The following CCSER1 variants were observed in gnomAD, a reference collection of about 807,000 sequenced individuals.
CCSER1 encodes the protein serine-rich coiled-coil domain-containing protein 1.
CCSER1 carries 41 observed loss-of-function variants against 82.0 expected under a neutral mutation model. The ratio of observed to expected loss-of-function variants is 0.50; its 90% CI spans 0.39 to 0.65. The LOEUF is 0.65. Ranked by LOEUF, CCSER1 falls within the 30% of genes least tolerant of loss-of-function variation. The pLI is 0.00. For missense variants in CCSER1, 1,119 were observed against 1,064.2 expected (o/e 1.05, Z -0.72); for synonymous variants, 414 against 383.9 (o/e 1.08, Z -0.92).
chr4:90,656,054 C>G (rs1396287404), intron 6 of CCSER1, among the ~76,000 whole-genome samples: 1 of 151,816 alleles, frequency 6.6e-6, no homozygotes, highest in Non-Finnish European at 1.5e-5. Context: ...TTGTTTTGAT[C>G]ACCTCTTCAC....
At chr4:91,484,676 C>T (rs1758125016) in intron 10 of CCSER1, among the ~76,000 whole-genome samples, 1 of 152,126 alleles carries the variant, frequency 6.6e-6, no homozygotes, top group Admixed American at 6.5e-5. Context: ...AAAGAGTTCA[C>T]TTGTCAATGA....
At chr4:91,429,808 C>G (rs780322602) in intron 10 of CCSER1, among the ~76,000 whole-genome samples, 3 of 151,514 alleles carry the variant, frequency 2.0e-5, no homozygotes, top group Non-Finnish European at 3.0e-5. Flanking sequence ...ATTCTATTGT[C>G]TATAATCTCA....
chr4:90,276,325 CT>C (rs1349986849), intron 1 of CCSER1, among the ~76,000 whole-genome samples: 12 of 125,148 alleles, frequency 9.6e-5, no homozygotes, highest in African/African-American at 3.9e-4. Flanking sequence ...CTTTTTCTTT[CT>C]TTCTTTCTTT....
At position 91,604,636 on chromosome 4, in the gene CCSER1, T is replaced by A. The variant is rs183593764; in HGVS notation, c.*5579T>A. The A allele has an allele frequency of 6.6e-6, 1 of 152,068 alleles. No homozygotes were observed. The highest frequency in any genetic ancestry group is 1.5e-5 in the Non-Finnish European group (1 of 67,942). 9.4% of individuals were successfully genotyped at this position (152,068 alleles called of 1,614,324 possible). A position where few individuals can be genotyped will look rare whatever the true frequency, so the allele number is the denominator to read the frequency against. ...TCTTATATCTTTCCTTCATAGGACA[T>A]TGATACAGACATCATCAAATTCCTG... On this transcript the variant is annotated 3_prime_UTR_variant, in exon 11 of 11. Transcript: ENST00000509176.
chr4:91,175,475 C>T (rs764966843), intron 10 of CCSER1, among the ~76,000 whole-genome samples: 1 of 152,150 alleles, frequency 6.6e-6, no homozygotes, highest in South Asian at 2.1e-4. Flanking sequence ...CACACCCTCT[C>T]CAGCACCTGT....
At chr4:90,770,312 A>G (rs1164727000) in intron 7 of CCSER1, among the ~76,000 whole-genome samples, 1 of 152,196 alleles carries the variant, frequency 6.6e-6, no homozygotes, top group Non-Finnish European at 1.5e-5. Flanking sequence ...TTAATGTTCT[A>G]TGCAGCCATA....
chr4:91,016,533 A>C (rs548232327), intron 9 of CCSER1, among the ~76,000 whole-genome samples: 1 of 152,116 alleles, frequency 6.6e-6, no homozygotes, highest in African/African-American at 2.4e-5. Context: ...GGTAGTAGCT[A>C]TTGCACATTT....
chr4:91,583,687 T>A (rs1213485759), intron 10 of CCSER1, among the ~76,000 whole-genome samples: 1 of 151,546 alleles, frequency 6.6e-6, no homozygotes, highest in East Asian at 1.9e-4. Flanking sequence ...TTCTTGTGCA[T>A]TACACTAAGT....
At chr4:90,778,520 C>A (rs1753254281) in intron 7 of CCSER1, among the ~76,000 whole-genome samples, 1 of 113,792 alleles carries the variant, frequency 8.8e-6, no homozygotes, top group Non-Finnish European at 1.8e-5. Context: ...ATTGGGAATG[C>A]ATTTCTTAAA....
chr4:90,213,745 C>A (rs1412756054), intron 1 of CCSER1, among the ~76,000 whole-genome samples: 1 of 152,106 alleles, frequency 6.6e-6, no homozygotes, highest in African/African-American at 2.4e-5. Context: ...CTGACAGATG[C>A]TAGTTCTTAA....
intron 10 of CCSER1, among the ~76,000 whole-genome samples, chr4:91,157,755 G>A (rs1730958393): frequency 6.6e-6 from 1 of 151,936 alleles, no homozygotes; most frequent in Non-Finnish European, 1.5e-5. Flanking sequence ...CAGCGAATCT[G>A]GGAACCCTAT....
intron 1 of CCSER1, among the ~76,000 whole-genome samples, chr4:90,164,306 C>A (rs1468678944): frequency 6.7e-6 from 1 of 148,312 alleles, no homozygotes; most frequent in Admixed American, 6.7e-5. Context: ...ACTTGTCTAT[C>A]GCAGAATTGA....
intron 5 of CCSER1, among the ~76,000 whole-genome samples, chr4:90,546,477 G>A (rs1308137666): frequency 6.6e-6 from 1 of 152,056 alleles, no homozygotes; most frequent in African/African-American, 2.4e-5. Context: ...CTGAATAATG[G>A]CTGAATTAAT....
chr4:91,312,616 G>A (rs562542382), intron 10 of CCSER1, among the ~76,000 whole-genome samples: 4 of 151,846 alleles, frequency 2.6e-5, no homozygotes, highest in African/African-American at 7.2e-5. Flanking sequence ...AATACAGACT[G>A]GTGGACTTTA....
At chr4:90,561,170 A>G (rs564816732) in intron 5 of CCSER1, among the ~76,000 whole-genome samples, 1 of 152,350 alleles carries the variant, frequency 6.6e-6, no homozygotes, top group African/African-American at 2.4e-5. Context: ...GTCCAGAAAC[A>G]GAAAGCACCT....
At chr4:90,909,476 A>C in intron 8 of CCSER1, among the ~76,000 whole-genome samples, 1 of 152,162 alleles carries the variant, frequency 6.6e-6, no homozygotes, top group Non-Finnish European at 1.5e-5. Context: ...TAGATATAAA[A>C]AGAAGTGATT....
At chr4:91,121,210 A>G (rs903190918) in intron 10 of CCSER1, among the ~76,000 whole-genome samples, 5 of 151,672 alleles carry the variant, frequency 3.3e-5, no homozygotes, top group Non-Finnish European at 7.4e-5. Flanking sequence ...ACTCAGTCAT[A>G]TAAAGTATTT....
At chr4:91,049,359 A>G (rs989550599) in intron 9 of CCSER1, among the ~76,000 whole-genome samples, 1 of 152,138 alleles carries the variant, frequency 6.6e-6, no homozygotes, top group African/African-American at 2.4e-5. Context: ...ATTTTTGCCA[A>G]TGATGAAGCC....
chr4:90,188,353 AT>A (rs1159178024), intron 1 of CCSER1, among the ~76,000 whole-genome samples: 4 of 151,972 alleles, frequency 2.6e-5, no homozygotes, highest in Admixed American at 2.6e-4. Flanking sequence ...ATTTTTCAGT[AT>A]TCTTTGTGAA....
Sources: gnomAD v4.1 joint callset for allele counts (sites outside exome capture counted in the v4.1 genomes callset) on GRCh38, gnomAD v4.1.1 for gene constraint, MANE v1.5 for transcripts, NCBI Gene and HGNC (gene_info 2026-07-23, HGNC 2026-07-21) for gene names.